The following UPF2 variants were observed in gnomAD, a reference collection of about 807,000 sequenced individuals.
UPF2 encodes UPF2 regulator of nonsense mediated mRNA decay, also known as regulator of nonsense transcripts 2.
UPF2 carries 17 observed loss-of-function variants against 141.4 expected under a neutral mutation model. That is an observed-to-expected ratio of 0.12 (90% CI 0.08 to 0.18). The LOEUF (loss-of-function observed/expected upper bound fraction) is 0.18. Among genes scored for constraint, UPF2 ranks in the 10% least tolerant of loss-of-function variants. UPF2 has a pLI of 1.00. For synonymous variants in UPF2, 540 were observed against 498.0 expected, an observed-to-expected ratio of 1.08 and a Z score of -1.12; for missense variants, 1,152 against 1,515.9, an observed-to-expected ratio of 0.76 and a Z score of 3.99.
intron 15 of UPF2, among the ~76,000 whole-genome samples, chr10:11,948,870 G>A (rs1038654332): frequency 4.0e-5 from 6 of 151,898 alleles, no homozygotes; most frequent in Admixed American, 6.6e-5. Context: ...AAGATACAGC[G>A]TTGGCCACAC....
At chr10:12,004,844 G>A in intron 4 of UPF2, 117 bp from the exon 5 acceptor site, 1 of 962,820 alleles carries the variant, frequency 1.0e-6, no homozygotes, top group Admixed American at 3.0e-5. Flanking sequence ...TCAACTGACA[G>A]GAACTTCTTC....
intron 18 of UPF2, 48 bp downstream of exon 18, chr10:11,942,617 C>T: frequency 6.4e-7 from 1 of 1,551,164 alleles, no homozygotes; most frequent in Non-Finnish European, 8.9e-7. Context: ...TAATGGGCTG[C>T]AATGTTTTGT....
intron 16 of UPF2, among the ~76,000 whole-genome samples, chr10:11,947,632 A>G: frequency 6.6e-6 from 1 of 151,284 alleles, no homozygotes; most frequent in Non-Finnish European, 1.5e-5. Flanking sequence ...AAAAACCCCA[A>G]AATAATTAGC....
Position 11,959,328 on chromosome 10 carries a change from A to G in UPF2, c.2213T>C (p.Met738Thr), listed in dbSNP as rs141631058. 2 of 1,581,332 alleles carry G rather than the reference A, an allele frequency of 1.3e-6. No homozygotes were observed. The highest frequency in any genetic ancestry group is 2.0e-5 in the Admixed American group (1 of 50,956). Residue 738 changes from methionine to threonine, a missense_variant, in exon 12 of 22, where the codon ATG becomes ACG. Transcript: ENST00000357604. The surrounding 1 kb of genome is among the most constrained non-coding windows in gnomAD (Gnocchi z 5.9). ...TGTGACGTATCTCGCATCAAGATGCATTGCTTGCTTCTTTCTCATCATTTG... is the reference window on the plus strand; with the variant it reads ...TGTGACGTATCTCGCATCAAGATGCGTTGCTTGCTTCTTTCTCATCATTTG... The part of the protein sequence containing the change: ...LEQMMRKKQA[M>T]HLDARYVTMV...
chr10:11,942,376 A>G (rs1346896956), intron 18 of UPF2, among the ~76,000 whole-genome samples: 1 of 149,096 alleles, frequency 6.7e-6, no homozygotes, highest in Non-Finnish European at 1.5e-5. Context: ...CTGTCTCAAG[A>G]AAAAAAAAAG....
At chr10:11,996,036 A>T (rs4750148) in intron 8 of UPF2, among the ~76,000 whole-genome samples, 124,894 of 152,010 alleles carry the variant, frequency 0.82, 51,657 homozygotes, top group Middle Eastern at 0.88. Flanking sequence ...TTCTTGACAA[A>T]GGCACTTAGA....
chr10:12,036,884 G>C (rs1165665501), intron 1 of UPF2, among the ~76,000 whole-genome samples: 1 of 152,164 alleles, frequency 6.6e-6, no homozygotes, highest in African/African-American at 2.4e-5. Flanking sequence ...AATTAGACGG[G>C]TATGGTGGCG....
chr10:11,983,044 C>G (rs1252349822), intron 8 of UPF2, among the ~76,000 whole-genome samples: 2 of 152,186 alleles, frequency 1.3e-5, no homozygotes, highest in Non-Finnish European at 2.9e-5. Context: ...GACAGTTCAC[C>G]AGCACTCAAA....
intron 8 of UPF2, among the ~76,000 whole-genome samples, chr10:11,982,518 T>C (rs1177811141): frequency 6.6e-6 from 1 of 152,204 alleles, no homozygotes; most frequent in Non-Finnish European, 1.5e-5. Flanking sequence ...ACATCCATAC[T>C]GTTTACTCCC....
chr10:11,966,549 C>T (rs577579019), intron 10 of UPF2, among the ~76,000 whole-genome samples: 61 of 152,230 alleles, frequency 4.0e-4, no homozygotes, highest in Non-Finnish European at 6.9e-4. Flanking sequence ...CTCAGCCTCC[C>T]GAGTAGCTGG....
chr10:11,967,895 C>T (rs1477592846), intron 9 of UPF2, among the ~76,000 whole-genome samples: 1 of 151,966 alleles, frequency 6.6e-6, no homozygotes, highest in African/African-American at 2.4e-5. Context: ...AAATTTCTTG[C>T]TATAGGCCGG....
At chr10:11,951,080 G>T (rs1016674813) in intron 15 of UPF2, among the ~76,000 whole-genome samples, 1 of 151,946 alleles carries the variant, frequency 6.6e-6, no homozygotes, top group Non-Finnish European at 1.5e-5. Flanking sequence ...TTATTTTTTT[G>T]AGATGGAGTT....
intron 2 of UPF2, among the ~76,000 whole-genome samples, chr10:12,034,681 T>G (rs1165644474): frequency 6.6e-6 from 1 of 152,022 alleles, no homozygotes. Flanking sequence ...GGCAGGTGCC[T>G]GTAATCCCAG....
At position 12,036,887 on chromosome 10, in the gene UPF2, T is replaced by C. The variant is rs191683209; in HGVS notation, c.-18-1446A>G. Among the ~76,000 whole-genome samples the C allele has an allele frequency of 8.5e-5, 13 of 152,200 alleles. No homozygotes were observed. In the East Asian group the frequency reaches 2.5e-3, roughly 29 times the overall value. On this transcript the variant is annotated intron_variant, in intron 1 of 21. Transcript: ENST00000357604. ...CTAAAAATATAAAATTAGACGGGTA[T>C]GGTGGCGCATGCCTGTAATCCCAGC...
At chr10:12,035,836 T>C (rs1834616016) in intron 1 of UPF2, 1 of 154,272 alleles carries the variant, frequency 6.5e-6, no homozygotes, top group Non-Finnish European at 1.4e-5. Flanking sequence ...ACCCTAGCAT[T>C]TGACAACCAT....
chr10:11,966,690 C>A (rs1833326742), intron 10 of UPF2, among the ~76,000 whole-genome samples: 1 of 152,248 alleles, frequency 6.6e-6, no homozygotes, highest in African/African-American at 2.4e-5. Context: ...TCCCAAAGTG[C>A]TGGGATTAAA....
At chr10:11,978,456 G>A (rs1833541434) in intron 9 of UPF2, among the ~76,000 whole-genome samples, 1 of 152,134 alleles carries the variant, frequency 6.6e-6, no homozygotes, top group Non-Finnish European at 1.5e-5. Flanking sequence ...CATGGGTTGG[G>A]AGAACCACTA....
chr10:11,938,842 GTTTT>G (rs1204744093), intron 18 of UPF2, among the ~76,000 whole-genome samples: 6 of 45,860 alleles, frequency 1.3e-4, no homozygotes, highest in African/African-American at 4.2e-4. Flanking sequence ...TCTTAAGCAA[GTTTT>G]TTTTTTGTTT....
At position 11,970,621 on chromosome 10, in the gene UPF2, G is replaced by A. The variant is rs142903958; in HGVS notation, c.1954-3167C>T. Among the ~76,000 whole-genome samples, 236 of 152,070 alleles carry A rather than the reference G, an allele frequency of 1.6e-3. 1 individual carries two copies. The highest frequency in any genetic ancestry group is 5.3e-3 in the African/African-American group (218 of 41,472). On this transcript the variant is annotated intron_variant, in intron 9 of 21. Coordinates refer to ENST00000357604, the MANE Select transcript of UPF2 (RefSeq NM_015542.4). ...GAGGTCAGGAGTTTGAGACCAGCCTGGCCAACACGGTGAAACCCTGTCTCT... is the reference window on the plus strand; with the variant it reads ...GAGGTCAGGAGTTTGAGACCAGCCTAGCCAACACGGTGAAACCCTGTCTCT...
Sources: gnomAD v4.1 joint callset for allele counts (sites outside exome capture counted in the v4.1 genomes callset) on GRCh38, gnomAD v4.1.1 for gene constraint, Gnocchi (gnomAD v3.1) non-coding constraint, MANE v1.5 for transcripts, NCBI Gene and HGNC (gene_info 2026-07-23, HGNC 2026-07-21) for gene names.